PADI6: variants seen among roughly 807,000 people sequenced by gnomAD.
PADI6 encodes the protein peptidyl arginine deiminase 6.
In PADI6, 66 loss-of-function variants were observed where a neutral mutation model predicts 78.2. The ratio of observed to expected loss-of-function variants is 0.84; its 90% CI spans 0.69 to 1.04. The LOEUF (loss-of-function observed/expected upper bound fraction) is 1.04. Ranked by LOEUF, PADI6 falls within the 50% of genes least tolerant of loss-of-function variation. PADI6 has a pLI of 0.00. For missense variants in PADI6, 854 were observed against 866.1 expected (o/e 0.99, Z 0.18); for synonymous variants, 397 against 346.9 (o/e 1.14, Z -1.60).
rs1202061759 is a variant in PADI6 at position 17,395,516 on chromosome 1, T to G, written c.1495-24T>G. On this transcript the variant is annotated intron_variant, in intron 12 of 15. Coordinates refer to ENST00000619609, the MANE Select transcript of PADI6 (RefSeq NM_207421.4). Reference sequence around the variant, plus strand: ...CCATGTCCAGCTGAGAAAGCTGGCTTCTGACCCAAGTTCTGTTTCCCAGGG... The same window carrying G: ...CCATGTCCAGCTGAGAAAGCTGGCTGCTGACCCAAGTTCTGTTTCCCAGGG... The G allele has an allele frequency of 1.9e-6, 3 of 1,548,432 alleles. No individual in the cohort carries two copies. The Admixed American group carries it at 5.9e-5, about 30-fold the overall frequency.
intron 15 of PADI6, 84 bp from the exon 16 acceptor site, chr1:17,401,117 CTGGT>C: frequency 7.9e-7 from 1 of 1,271,830 alleles, no homozygotes; most frequent in Non-Finnish European, 1.1e-6. Flanking sequence ...CCTGCTACGC[CTGGT>C]CTGACCGCAG....
Position 17,381,096 on chromosome 1 carries a change from A to G in PADI6, c.485A>G (p.Asn162Ser). 6.2e-7 allele frequency: 1 copy of G among 1,609,962 alleles called. No homozygotes were observed. Among genetic ancestry groups the G allele is most frequent in the Non-Finnish European group, 8.5e-7 (1 of 1,178,308 alleles). Residue 162 changes from asparagine to serine, a missense_variant, in exon 5 of 16, where the codon AAT becomes AGT. Transcript: ENST00000619609. ...GGTTGGGGTGCCATCCTGCTTGTGA[A>G]TTGCAACCCTGCTGATGTGGGCCAG... The part of the protein sequence containing the change: ...PSGWGAILLV[N>S]CNPADVGQQL...
At chr1:17,392,608 T>C (rs111903342) in intron 9 of PADI6, among the ~76,000 whole-genome samples, 327 of 152,286 alleles carry the variant, frequency 2.1e-3, no homozygotes, top group African/African-American at 7.6e-3. Flanking sequence ...TAGAGCTCTG[T>C]CCTCTGCAGA....
chr1:17,392,104 C>A lies in PADI6; in HGVS notation c.963-10C>A. 6.4e-7 allele frequency: 1 copy of A among 1,553,184 alleles called. No individual in the cohort carries two copies. Among genetic ancestry groups the A allele is most frequent in the South Asian group, 1.2e-5 (1 of 84,114 alleles). On this transcript the variant is annotated splice_polypyrimidine_tract_variant and intron_variant, in intron 8 of 15. Transcript: ENST00000619609. ...AAGCCTTCCCAGAACTGGCTTCTCT[C>A]CCATGGCAGGGAGCTGCAGCTGCAG...
chr1:17,386,860 C>T (rs369150477), intron 6 of PADI6, among the ~76,000 whole-genome samples: 29 of 152,306 alleles, frequency 1.9e-4, no homozygotes, highest in African/African-American at 5.3e-4. Flanking sequence ...GGGGCAGCCA[C>T]GGCCGCAGCT....
intron 15 of PADI6, among the ~76,000 whole-genome samples, chr1:17,399,324 C>T (rs1157320330): frequency 4.6e-5 from 7 of 152,160 alleles, no homozygotes; most frequent in Admixed American, 2.0e-4. Context: ...CTAGGCCAGG[C>T]GCAGTGGCTC....
At chr1:17,392,621 A>G (rs2075199085) in intron 9 of PADI6, among the ~76,000 whole-genome samples, 1 of 152,222 alleles carries the variant, frequency 6.6e-6, no homozygotes, top group Non-Finnish European at 1.5e-5. Flanking sequence ...TCTGCAGATG[A>G]GTGATCATCA....
intron 15 of PADI6, among the ~76,000 whole-genome samples, 196 bp from the exon 16 acceptor site, chr1:17,401,009 T>C (rs1254853864): frequency 2.0e-5 from 3 of 152,194 alleles, no homozygotes; most frequent in African/African-American, 7.2e-5. Flanking sequence ...TCCCAGACCT[T>C]GGCCAGGCAG....
rs1256045085 is a variant in PADI6 at position 17,392,123 on chromosome 1, G to C, written c.972G>C (p.Gln324His). 3.2e-6 allele frequency: 5 copies of C among 1,556,626 alleles called. No individual in the cohort carries two copies. The highest frequency in any genetic ancestry group is 4.3e-6 in the Non-Finnish European group (5 of 1,150,066). ...PLEVYLCREL[Q>H]LQGFVDTVTK... is the part of the protein sequence containing the mutation. Reference sequence around the variant, plus strand: ...TTCTCTCCCATGGCAGGGAGCTGCAGCTGCAGGGTTTTGTGGACACAGTGA... The same window carrying C: ...TTCTCTCCCATGGCAGGGAGCTGCACCTGCAGGGTTTTGTGGACACAGTGA... Residue 324 changes from glutamine (Q) to histidine (H), a missense_variant, in exon 9 of 16, where the codon CAG (glutamine) becomes CAC (histidine). Transcript: ENST00000619609.
chr1:17,375,338 C>A, intron 2 of PADI6, 89 bp from the exon 3 acceptor site: 2 of 1,221,246 alleles, frequency 1.6e-6, no homozygotes, highest in Non-Finnish European at 2.3e-6. Flanking sequence ...ACCAAGATCC[C>A]ACGCCTAGAC....
chr1:17,388,913 G>C, intron 8 of PADI6, 33 bp downstream of exon 8: 2 of 1,552,814 alleles, frequency 1.3e-6, no homozygotes, highest in Non-Finnish European at 1.8e-6. Context: ...GTGCCAGGCG[G>C]TTCTCATAAC....
In PADI6 at chr1:17,388,702, G is replaced by A. The variant is rs527810362; in HGVS notation, c.859-75G>A. 338 of 1,507,100 alleles carry A rather than the reference G, an allele frequency of 2.2e-4. 4 individuals are homozygous for A. In the South Asian group the frequency reaches 3.6e-3, roughly 16 times the overall value. 93.4% of individuals were successfully genotyped at this position (1,507,100 alleles called of 1,614,324 possible). On this transcript the variant is annotated intron_variant, in intron 7 of 15. Transcript: ENST00000619609. ...GGCCCAGCTGGGGGCCGGACTGAAC[G>A]GCCGGAACCCTGGGGTAAGAGGGGA...
chr1:17,384,011 T>G (rs928426104), intron 6 of PADI6, among the ~76,000 whole-genome samples: 1 of 151,726 alleles, frequency 6.6e-6, no homozygotes, highest in South Asian at 2.1e-4. Context: ...CTAGCTGGGC[T>G]TTGTGGCATA....
rs1462518693 is a variant in PADI6 at position 17,389,990 on chromosome 1, GGGATGGGAAACACTAATAGGAAAA to G, written c.962+1113_962+1136del. On this transcript the variant is annotated intron_variant, in intron 8 of 15. Transcript: ENST00000619609. ...ATAATGCTGATGGAATGCTCTAGCA[GGGATGGGAAACACTAATAGGAAAA>G]GGTGGCCAGTGTGGTGGCTCACACC... Among the ~76,000 whole-genome samples, 23 of 152,320 alleles carry G rather than the reference GGGATGGGAAACACTAATAGGAAAA, an allele frequency of 1.5e-4. 1 individual carries two copies. Among genetic ancestry groups the G allele is most frequent in the Non-Finnish European group, 2.5e-4 (17 of 68,032 alleles).
In PADI6 at chr1:17,379,203, C is replaced by A. The variant is rs548542195; in HGVS notation, c.368-717C>A. Among the ~76,000 whole-genome samples the A allele has an allele frequency of 6.8e-5, 10 of 147,714 alleles. No homozygotes were observed. In the East Asian group the frequency reaches 2.0e-3, roughly 29 times the overall value. On this transcript the variant is annotated intron_variant, in intron 3 of 15. Transcript: ENST00000619609. ...TCTCGGCTCACTGCAGGCTCCGCCC[C>A]CTGGGGTTCACGCCATTCTCCTGCC...
chr1:17,386,759 G>C (rs2075123487), intron 6 of PADI6, among the ~76,000 whole-genome samples: 1 of 152,188 alleles, frequency 6.6e-6, no homozygotes, highest in South Asian at 2.1e-4. Context: ...CTCCAAGGAG[G>C]GGCTGCTGCA....
In PADI6 at chr1:17,392,220, C is replaced by T; in HGVS notation, c.1069C>T (p.Leu357Phe). The change falls in exon 9 of 16, where the codon CTC (leucine) becomes TTC (phenylalanine). Residue 357 changes from leucine to phenylalanine, a missense_variant. By Grantham distance (22) the Leu-to-Phe change is conservative. Transcript: ENST00000619609. Reference protein sequence around the residue: ...YEDPNRLGRWLQDEMAFCYTQ... With the variant: ...YEDPNRLGRWFQDEMAFCYTQ... ...GGACCCCAACCGCCTGGGCAGGTGG[C>T]TCCAGGTAACACCCCACCTGGGAAC... The T allele has an allele frequency of 6.4e-7, 1 of 1,553,122 alleles. No homozygotes were observed. The highest frequency in any genetic ancestry group is 1.4e-5 in the African/African-American group (1 of 73,302).
At chr1:17,378,178 T>C (rs74058756) in intron 3 of PADI6, among the ~76,000 whole-genome samples, 4,265 of 152,236 alleles carry the variant, frequency 0.028, 222 homozygotes, top group African/African-American at 0.096. Flanking sequence ...AAAACTGAAA[T>C]ACCCTCGCTC....
rs772467361 is a variant in PADI6, at chr1:17,394,280, T to C, written c.1183-20T>C. Reference sequence around the variant, plus strand: ...CCATCCCCTACTAACACCCCTTCCCTGGCTCGGTCTCTCCCCCAGAGCCCT... The same window carrying C: ...CCATCCCCTACTAACACCCCTTCCCCGGCTCGGTCTCTCCCCCAGAGCCCT... On this transcript the variant is annotated intron_variant, in intron 10 of 15. Transcript: ENST00000619609. The C allele has an allele frequency of 6.2e-7, 1 of 1,609,034 alleles. No homozygotes were observed.
Sources: gnomAD v4.1 joint callset for allele counts (sites outside exome capture counted in the v4.1 genomes callset) on GRCh38, gnomAD v4.1.1 for gene constraint, MANE v1.5 for transcripts, NCBI Gene and HGNC (gene_info 2026-07-23, HGNC 2026-07-21) for gene names.